TATDN1: variants seen among roughly 807,000 people sequenced by gnomAD.
TATDN1 encodes deoxyribonuclease TATDN1.
A neutral mutation model predicts 46.4 loss-of-function variants in TATDN1; 40 were observed. That is an observed-to-expected ratio of 0.86 (90% confidence interval 0.67 to 1.12). TATDN1 has a LOEUF of 1.12. Among genes scored for constraint, TATDN1 ranks in the 50% most tolerant of loss-of-function variants. The probability of loss-of-function intolerance (pLI) is 0.00; values close to 1 mark genes in which losing one functional copy is unlikely to be tolerated. For synonymous variants in TATDN1, 95 were observed against 105.6 expected, an observed-to-expected ratio of 0.90 and a Z score of 0.62; for missense variants, 326 against 348.4, an observed-to-expected ratio of 0.94 and a Z score of 0.51.
chr8:124,495,504 G>A lies in TATDN1; in HGVS notation c.632C>T (p.Ser211Leu). The change falls in exon 10 of 12, where the codon TCA (serine) becomes TTA (leucine). Residue 211 changes from serine to leucine, a missense_variant. Ser to Leu is a moderately radical substitution (Grantham distance 145, BLOSUM62 -2). Coordinates refer to ENST00000276692, the MANE Select transcript of TATDN1 (RefSeq NM_032026.4). The part of the protein sequence containing the change: ...KTEANLEVLK[S>L]IPSEKLMIET... ...AATCATTAATTTTTCACTAGGAATTGACTTCAAAACTTCCAAATTAGCTTC... is the reference window on the plus strand; with the variant it reads ...AATCATTAATTTTTCACTAGGAATTAACTTCAAAACTTCCAAATTAGCTTC... The A allele has an allele frequency of 6.2e-7, 1 of 1,606,890 alleles. No homozygotes were observed. The highest frequency in any genetic ancestry group is 8.5e-7 in the Non-Finnish European group (1 of 1,178,006).
chr8:124,517,201 G>A (rs532892372), intron 4 of TATDN1, among the ~76,000 whole-genome samples: 66 of 152,156 alleles, frequency 4.3e-4, no homozygotes, highest in African/African-American at 1.5e-3. Context: ...AGGGCAAGCC[G>A]GGCAGATCAC....
intron 11 of TATDN1, among the ~76,000 whole-genome samples, chr8:124,492,481 C>T (rs1374823767): frequency 2.0e-5 from 3 of 151,990 alleles, no homozygotes; most frequent in Admixed American, 6.6e-5. Context: ...TTTAGTTCCC[C>T]AAAAAATTGG....
chr8:124,537,150 C>T (rs185132088), intron 1 of TATDN1, among the ~76,000 whole-genome samples: 1 of 152,286 alleles, frequency 6.6e-6, no homozygotes, highest in Admixed American at 6.5e-5. Flanking sequence ...CACCTTAGCA[C>T]TAAAGCCACT....
intron 9 of TATDN1, among the ~76,000 whole-genome samples, chr8:124,499,272 TAC>T (rs963296981): frequency 7.9e-5 from 12 of 152,172 alleles, no homozygotes; most frequent in African/African-American, 2.9e-4. Flanking sequence ...GCTTGGTCAA[TAC>T]AGTTATTTTC....
At chr8:124,522,011 T>A (rs1820089179) in intron 3 of TATDN1, 140 bp downstream of exon 3, 2 of 570,970 alleles carry the variant, frequency 3.5e-6, no homozygotes, top group South Asian at 5.0e-5. Context: ...TTGTTTCAAT[T>A]AACTTTCTAA....
At chr8:124,506,322 A>T (rs1490894694) in intron 8 of TATDN1, among the ~76,000 whole-genome samples, 1 of 140,950 alleles carries the variant, frequency 7.1e-6, no homozygotes, top group Non-Finnish European at 1.5e-5. Flanking sequence ...GTGACAGAGC[A>T]AGGCTCTGTC....
chr8:124,504,156 A>G, intron 9 of TATDN1, 115 bp downstream of exon 9: 1 of 804,188 alleles, frequency 1.2e-6, no homozygotes, highest in Non-Finnish European at 2.0e-6. Context: ...GCAAAGATCA[A>G]TGCAAACACA....
At chr8:124,532,596 T>TTAA (rs1821062447) in intron 1 of TATDN1, among the ~76,000 whole-genome samples, 1 of 152,236 alleles carries the variant, frequency 6.6e-6, no homozygotes, top group African/African-American at 2.4e-5. Context: ...GTCTTTGTTC[T>TTAA]TAATAGGTTG....
chr8:124,503,372 T>C (rs1353762698), intron 9 of TATDN1, among the ~76,000 whole-genome samples: 5 of 152,234 alleles, frequency 3.3e-5, no homozygotes, highest in African/African-American at 1.2e-4. Context: ...GGGGGGACTC[T>C]GATATTTGTT....
intron 1 of TATDN1, among the ~76,000 whole-genome samples, chr8:124,534,672 G>A (rs1030366570): frequency 6.6e-6 from 1 of 152,134 alleles, no homozygotes; most frequent in African/African-American, 2.4e-5. Flanking sequence ...CACCAGCTGG[G>A]TGACCTATAA....
intron 1 of TATDN1, among the ~76,000 whole-genome samples, chr8:124,530,593 T>G (rs1820869855): frequency 6.6e-6 from 1 of 152,104 alleles, no homozygotes; most frequent in Non-Finnish European, 1.5e-5. Context: ...CTGACAAACT[T>G]AAGGGACTGT....
Position 124,515,808 on chromosome 8 carries a change from A to G in TATDN1, c.347-20T>C, listed in dbSNP as rs1228598188. On this transcript the variant is annotated intron_variant, in intron 5 of 11. Transcript: ENST00000276692. ...CAAAATCTTTAAAAAGATAAAGAAGAATAATTACTCCTAACTTATACAGAA... is the reference window on the plus strand; with the variant it reads ...CAAAATCTTTAAAAAGATAAAGAAGGATAATTACTCCTAACTTATACAGAA... 6.2e-7 allele frequency: 1 copy of G among 1,613,704 alleles called. No individual in the cohort carries two copies. Among genetic ancestry groups the G allele is most frequent in the Admixed American group, 1.7e-5 (1 of 59,980 alleles).
At chr8:124,521,541 C>T (rs1424318101) in intron 3 of TATDN1, 1 of 152,190 alleles carries the variant, frequency 6.6e-6, no homozygotes, top group African/African-American at 2.4e-5. Context: ...TCAGCAGTGT[C>T]ACTTTCCAAA....
chr8:124,501,410 GC>G (rs1817950446), intron 9 of TATDN1, among the ~76,000 whole-genome samples: 1 of 151,820 alleles, frequency 6.6e-6, no homozygotes, highest in Non-Finnish European at 1.5e-5. Flanking sequence ...CTTCCAAATG[GC>G]TTTTTTTTTT....
At chr8:124,536,855 C>A (rs1262853652) in intron 1 of TATDN1, among the ~76,000 whole-genome samples, 2 of 151,350 alleles carry the variant, frequency 1.3e-5, no homozygotes, top group African/African-American at 4.9e-5. Context: ...CAGAGTAAGT[C>A]ATATACCAAG....
intron 1 of TATDN1, among the ~76,000 whole-genome samples, chr8:124,527,744 A>G (rs777231532): frequency 1.4e-4 from 21 of 151,876 alleles, no homozygotes; most frequent in Non-Finnish European, 2.6e-4. Flanking sequence ...AGCAGCACCA[A>G]TAGCCAAATC....
chr8:124,512,396 G>A (rs2131453737), intron 6 of TATDN1, among the ~76,000 whole-genome samples: 1 of 152,266 alleles, frequency 6.6e-6, no homozygotes, highest in Admixed American at 6.5e-5. Context: ...CTGCACTCCA[G>A]CCTGGGGGAC....
In TATDN1 at chr8:124,493,934, A is replaced by C. The variant is rs556870794; in HGVS notation, c.690T>G (p.Ser230Arg). The C allele has an allele frequency of 6.3e-5, 102 of 1,612,126 alleles. No homozygotes were observed. The South Asian group carries it at 1.1e-3, about 17-fold the overall frequency. Residue 230 changes from serine to arginine, a missense_variant, in exon 11 of 12, where the codon AGT (serine) becomes AGG (arginine). Transcript: ENST00000276692. ...TTATATATTTTGATCCAGCATGTGT[A>C]CTTTTGACTCCACACCAAGGTGCAT... is the stretch of plus-strand genomic sequence containing the variant. ...ETDAPWCGVK[S>R]THAGSKYIRT...
intron 6 of TATDN1, among the ~76,000 whole-genome samples, chr8:124,510,944 G>A (rs145806282): frequency 3.0e-4 from 45 of 152,118 alleles, no homozygotes; most frequent in East Asian, 2.3e-3. Flanking sequence ...GAAGCCATGT[G>A]GTAAAAAAAA....
Sources: allele counts gnomAD v4.1 joint callset (sites outside exome capture counted in the v4.1 genomes callset), GRCh38; gene constraint gnomAD v4.1.1; transcripts MANE v1.5; gene names NCBI Gene and HGNC (gene_info 2026-07-23, HGNC 2026-07-21).